LRBA: variants seen among roughly 807,000 people sequenced by gnomAD.
The protein encoded by LRBA is LPS responsive beige-like anchor protein, also known as lipopolysaccharide-responsive and beige-like anchor protein.
LRBA carries 176 observed loss-of-function variants against 330.0 expected under a neutral mutation model. The observed-to-expected ratio is 0.53, with a 90% CI of 0.47 to 0.60. The LOEUF (loss-of-function observed/expected upper bound fraction) is 0.60, where lower values mean the gene tolerates loss of function less well. Among genes scored for constraint, LRBA ranks in the 20% least tolerant of loss-of-function variants. The pLI, the probability that LRBA is intolerant of heterozygous loss-of-function variation, is 0.00. For synonymous variants in LRBA, 1,230 were observed against 1,193.0 expected, an observed-to-expected ratio of 1.03 and a Z score of -0.64; for missense variants, 3,259 against 3,444.8, an observed-to-expected ratio of 0.95 and a Z score of 1.35.
intron 37 of LRBA, among the ~76,000 whole-genome samples, chr4:150,680,871 G>C (rs145882087): frequency 6.6e-6 from 1 of 152,118 alleles, no homozygotes; most frequent in East Asian, 1.9e-4. Flanking sequence ...CCCACTGATC[G>C]TGTGGCATTA....
chr4:150,939,198 T>A (rs1735417144), intron 2 of LRBA, among the ~76,000 whole-genome samples: 1 of 152,190 alleles, frequency 6.6e-6, no homozygotes, highest in African/African-American at 2.4e-5. Context: ...AGGACATATG[T>A]TCAATTCTTA....
intron 22 of LRBA, among the ~76,000 whole-genome samples, chr4:150,862,971 T>G (rs887981895): frequency 2.0e-5 from 3 of 150,966 alleles, no homozygotes; most frequent in Non-Finnish European, 4.4e-5. Context: ...AGAGCAAGAC[T>G]CTGTCTCATT....
chr4:150,277,202 C>T (rs899294742), intron 56 of LRBA, among the ~76,000 whole-genome samples: 1 of 149,578 alleles, frequency 6.7e-6, no homozygotes, highest in Admixed American at 6.7e-5. Context: ...CATCTTCTCA[C>T]TCATAAGTGG....
chr4:150,591,953 C>T (rs1410243346), intron 38 of LRBA, among the ~76,000 whole-genome samples: 2 of 152,050 alleles, frequency 1.3e-5, no homozygotes, highest in Non-Finnish European at 2.9e-5. Flanking sequence ...AAGGCAGATG[C>T]TAACTTCTAA....
At chr4:150,729,932 G>A (rs1730211568) in intron 36 of LRBA, among the ~76,000 whole-genome samples, 1 of 152,090 alleles carries the variant, frequency 6.6e-6, no homozygotes, top group South Asian at 2.1e-4. Flanking sequence ...GGGAAAGCTA[G>A]TTATCCATAT....
At chr4:150,635,104 A>G (rs1006662336) in intron 37 of LRBA, among the ~76,000 whole-genome samples, 3 of 152,228 alleles carry the variant, frequency 2.0e-5, no homozygotes, top group Non-Finnish European at 4.4e-5. Context: ...GAGGTTAATC[A>G]GAAGTCAACA....
At chr4:150,415,270 A>T (rs1476513806) in intron 47 of LRBA, among the ~76,000 whole-genome samples, 168 bp downstream of exon 47, 1 of 152,222 alleles carries the variant, frequency 6.6e-6, no homozygotes, top group Non-Finnish European at 1.5e-5. Flanking sequence ...ATTCAATAAC[A>T]TTTCATAAAG....
intron 40 of LRBA, among the ~76,000 whole-genome samples, chr4:150,578,877 C>T (rs1477591909): frequency 6.6e-6 from 1 of 152,170 alleles, no homozygotes; most frequent in Non-Finnish European, 1.5e-5. Flanking sequence ...AGCCCAGCAC[C>T]ACAGCTCTGG....
chr4:150,388,438 A>G (rs1005521038), intron 47 of LRBA, among the ~76,000 whole-genome samples: 3 of 152,194 alleles, frequency 2.0e-5, no homozygotes, highest in African/African-American at 7.2e-5. Flanking sequence ...GGTCAACTCT[A>G]AAGTCTACAG....
chr4:150,425,094 AACCATATCTTGAT>A (rs1429930577), intron 46 of LRBA, among the ~76,000 whole-genome samples: 1 of 152,242 alleles, frequency 6.6e-6, no homozygotes, highest in Non-Finnish European at 1.5e-5. Flanking sequence ...TCTTTCTAAG[AACCATATCTTGAT>A]ACAATACCAA....
intron 36 of LRBA, among the ~76,000 whole-genome samples, chr4:150,718,777 A>C (rs1179228351): frequency 6.6e-6 from 1 of 152,160 alleles, no homozygotes; most frequent in Admixed American, 6.5e-5. Flanking sequence ...ATGAAAAACT[A>C]TATTAGACAA....
intron 19 of LRBA, among the ~76,000 whole-genome samples, chr4:150,871,010 GA>G (rs1560942610): frequency 6.6e-6 from 1 of 152,178 alleles, no homozygotes; most frequent in Non-Finnish European, 1.5e-5. Context: ...TTGGGAGGCT[GA>G]AGTGGGTAGA....
chr4:150,572,199 G>A (rs1769959721), intron 40 of LRBA, among the ~76,000 whole-genome samples: 2 of 152,002 alleles, frequency 1.3e-5, no homozygotes, highest in African/African-American at 4.8e-5. Context: ...TCAAACTTTA[G>A]TCATTAAACG....
At chr4:150,947,726 GA>G (rs752036620) in intron 2 of LRBA, among the ~76,000 whole-genome samples, 1 of 152,034 alleles carries the variant, frequency 6.6e-6, no homozygotes, top group Non-Finnish European at 1.5e-5. Context: ...GGTGAGAAAG[GA>G]AGAAATTAAG....
chr4:150,731,147 G>A (rs761398612), intron 36 of LRBA, among the ~76,000 whole-genome samples: 2 of 152,116 alleles, frequency 1.3e-5, no homozygotes, highest in Admixed American at 1.3e-4. Flanking sequence ...AATAACAAAC[G>A]CTGTCGAGGA....
intron 2 of LRBA, among the ~76,000 whole-genome samples, chr4:151,006,999 G>C (rs1744140113): frequency 6.6e-6 from 1 of 152,178 alleles, no homozygotes; most frequent in South Asian, 2.1e-4. Context: ...AGCCAAAACT[G>C]TCTTGAAAAG....
intron 4 of LRBA, among the ~76,000 whole-genome samples, chr4:150,923,859 A>G (rs570349067): frequency 6.6e-6 from 1 of 152,342 alleles, no homozygotes; most frequent in South Asian, 2.1e-4. Flanking sequence ...TATAAATTAT[A>G]ATTACTACCT....
intron 36 of LRBA, among the ~76,000 whole-genome samples, chr4:150,685,340 A>AG (rs1413842679): frequency 7.6e-6 from 1 of 132,364 alleles, no homozygotes; most frequent in Non-Finnish European, 1.6e-5. Flanking sequence ...TTACACCAAA[A>AG]GCAATTCATC....
At chr4:150,270,399 C>G (rs1436136588) in intron 56 of LRBA, among the ~76,000 whole-genome samples, 1 of 152,166 alleles carries the variant, frequency 6.6e-6, no homozygotes, top group Non-Finnish European at 1.5e-5. Flanking sequence ...ATGCAAGAAC[C>G]TTGAAAGTGT....
Sources: gnomAD v4.1 joint callset for allele counts (sites outside exome capture counted in the v4.1 genomes callset) on GRCh38, gnomAD v4.1.1 for gene constraint, MANE v1.5 for transcripts, NCBI Gene and HGNC (gene_info 2026-07-23, HGNC 2026-07-21) for gene names.